The following BCL2 variants were observed in gnomAD, a reference collection of about 807,000 sequenced individuals.
BCL2 encodes BCL2 apoptosis regulator, also known as apoptosis regulator Bcl-2.
A neutral mutation model predicts 14.2 loss-of-function variants in BCL2; 1 was observed. That is an observed-to-expected ratio of 0.07 (90% CI 0.02 to 0.33). The LOEUF is 0.33. Among genes scored for constraint, BCL2 ranks in the 10% least tolerant of loss-of-function variants. The probability of loss-of-function intolerance (pLI) is 0.99; values close to 1 mark genes in which losing one functional copy is unlikely to be tolerated. For synonymous variants in BCL2, 151 were observed against 137.2 expected, an observed-to-expected ratio of 1.10 and a Z score of -0.70; for missense variants, 247 against 305.9, an observed-to-expected ratio of 0.81 and a Z score of 1.44.
intron 2 of BCL2, among the ~76,000 whole-genome samples, chr18:63,298,105 C>T (rs1401195385): frequency 6.6e-6 from 1 of 152,148 alleles, no homozygotes; most frequent in African/African-American, 2.4e-5. Flanking sequence ...CAATTAGAAT[C>T]GGCAGACAAA....
rs1299930433 is a variant in BCL2 at position 63,318,446 on chromosome 18, G to A, written c.221C>T (p.Thr74Ile). Reference sequence around the variant, plus strand: ...CGCGGCGGCGCCGGGGGCAGCCGGGGTCTGCAGCGGCGAGGTCCTGGCGAC... The same window carrying A: ...CGCGGCGGCGCCGGGGGCAGCCGGGATCTGCAGCGGCGAGGTCCTGGCGAC... ...DPVARTSPLQ[T>I]PAAPGAAAGP... Residue 74 changes from threonine (T) to isoleucine (I), a missense_variant, in exon 2 of 3, where the codon ACC (threonine) becomes ATC (isoleucine). This residue lies in a region of BCL2 where 144 missense variants were observed against 135.3 expected (regional missense o/e 1.06). Coordinates refer to ENST00000333681, the MANE Select transcript of BCL2 (RefSeq NM_000633.3). The surrounding 1 kb of genome is among the most constrained non-coding windows in gnomAD (Gnocchi z 7.4). 2.0e-5 allele frequency: 29 copies of A among 1,472,992 alleles called. No homozygotes were observed. Among genetic ancestry groups the A allele is most frequent in the Non-Finnish European group, 2.5e-5 (28 of 1,122,682 alleles). 91.2% of individuals were successfully genotyped at this position (1,472,992 alleles called of 1,614,324 possible).
intron 2 of BCL2, among the ~76,000 whole-genome samples, chr18:63,272,776 A>G (rs1251803211): frequency 6.6e-6 from 1 of 152,230 alleles, no homozygotes; most frequent in Non-Finnish European, 1.5e-5. Flanking sequence ...TATATAAAAC[A>G]GGCAGTTTCT....
chr18:63,218,688 C>G (rs1311330554), intron 2 of BCL2, among the ~76,000 whole-genome samples: 5 of 147,560 alleles, frequency 3.4e-5, no homozygotes, highest in Non-Finnish European at 3.0e-5. Flanking sequence ...ATCCTCCACT[C>G]ATCCCATTCT....
intron 2 of BCL2, among the ~76,000 whole-genome samples, chr18:63,178,297 GCTCGTAA>G (rs890721546): frequency 6.6e-6 from 1 of 152,172 alleles, no homozygotes; most frequent in Non-Finnish European, 1.5e-5. Flanking sequence ...AGACTAAAAG[GCTCGTAA>G]CTGTTGTTTA....
chr18:63,228,538 A>G (rs1328458599), intron 2 of BCL2, among the ~76,000 whole-genome samples: 1 of 152,212 alleles, frequency 6.6e-6, no homozygotes, highest in Admixed American at 6.5e-5. Context: ...CAAATAAAAT[A>G]TAAGATCTCT....
chr18:63,136,486 G>A (rs1201702004), intron 2 of BCL2, among the ~76,000 whole-genome samples: 3 of 152,216 alleles, frequency 2.0e-5, no homozygotes, highest in Non-Finnish European at 4.4e-5. Context: ...CCATAGGTTA[G>A]ACTCCCTTAG....
At chr18:63,307,414 C>T (rs1349843632) in intron 2 of BCL2, among the ~76,000 whole-genome samples, 1 of 152,214 alleles carries the variant, frequency 6.6e-6, no homozygotes, top group Non-Finnish European at 1.5e-5. Flanking sequence ...TTTTTAGCTA[C>T]TGATTTGCAG....
chr18:63,284,267 T>C (rs1259992307), intron 2 of BCL2, among the ~76,000 whole-genome samples: 1 of 152,156 alleles, frequency 6.6e-6, no homozygotes, highest in East Asian at 1.9e-4. Flanking sequence ...TAGAAGAAGG[T>C]AGACAGGACT....
intron 2 of BCL2, among the ~76,000 whole-genome samples, chr18:63,247,714 G>C (rs1327104915): frequency 6.6e-6 from 1 of 152,074 alleles, no homozygotes; most frequent in Non-Finnish European, 1.5e-5. Flanking sequence ...GGTCATGAGA[G>C]GTCAGGAGTG....
At chr18:63,174,768 C>G (rs540149976) in intron 2 of BCL2, among the ~76,000 whole-genome samples, 1 of 140,328 alleles carries the variant, frequency 7.1e-6, no homozygotes, top group Non-Finnish European at 1.5e-5. Flanking sequence ...TGCAGGGAGT[C>G]GAGATCATGC....
intron 2 of BCL2, among the ~76,000 whole-genome samples, chr18:63,271,584 C>T (rs960901176): frequency 1.3e-5 from 2 of 152,200 alleles, no homozygotes; most frequent in African/African-American, 2.4e-5. Context: ...TTGCTGCTTT[C>T]AATATTCAGC....
chr18:63,147,210 C>T (rs1198610003), intron 2 of BCL2, among the ~76,000 whole-genome samples: 4 of 152,206 alleles, frequency 2.6e-5, no homozygotes, highest in Non-Finnish European at 5.9e-5. Context: ...AGGGATTCAC[C>T]TTTCCAGGCT....
intron 2 of BCL2, among the ~76,000 whole-genome samples, chr18:63,311,647 T>C (rs1372527457): frequency 2.0e-5 from 3 of 152,138 alleles, no homozygotes; most frequent in Admixed American, 1.3e-4. Context: ...TACGCTTCTA[T>C]CCCTGAAGTT....
chr18:63,170,001 G>A (rs774355433), intron 2 of BCL2, among the ~76,000 whole-genome samples: 26 of 152,044 alleles, frequency 1.7e-4, no homozygotes, highest in South Asian at 2.1e-4. Context: ...TATTATGACC[G>A]TAATCAGTGA....
intron 2 of BCL2, among the ~76,000 whole-genome samples, chr18:63,231,838 C>T (rs1013954337): frequency 9.2e-5 from 14 of 151,804 alleles, no homozygotes; most frequent in Non-Finnish European, 1.8e-4. Flanking sequence ...TATTTGTAAC[C>T]GGTTTTAAAA....
chr18:63,319,540 G>A lies in BCL2; in HGVS notation c.-653C>T, dbSNP rs571580090. 101 of 229,302 alleles carry A rather than the reference G, an allele frequency of 4.4e-4. No individual in the cohort carries two copies. The highest frequency in any genetic ancestry group is 7.7e-4 in the Non-Finnish European group (89 of 115,588). 14.2% of individuals were successfully genotyped at this position (229,302 alleles called of 1,614,324 possible). A position where few individuals can be genotyped will look rare whatever the true frequency, so the allele number is the denominator to read the frequency against. On this transcript the variant is annotated 5_prime_UTR_variant, in exon 1 of 3. Coordinates refer to ENST00000333681, the MANE Select transcript of BCL2 (RefSeq NM_000633.3). ...TTTACACGCGCGCACACACGCGCGG[G>A]CACAGGCATGAATCTCTATCCACGG...
rs996350353 is a variant in BCL2, at chr18:63,176,988, C to G, written c.586-48229G>C. Among the ~76,000 whole-genome samples, 26 of 151,534 alleles carry G rather than the reference C, an allele frequency of 1.7e-4. 1 individual carries two copies. Among genetic ancestry groups the G allele is most frequent in the Admixed American group, 1.6e-3 (25 of 15,218 alleles). On this transcript the variant is annotated intron_variant, in intron 2 of 2. Transcript: ENST00000333681. Reference sequence around the variant, plus strand: ...CTGGAGTGCAGTGGTACAATCACAGCTCTCTGCAGCCTCGACTTCCTGGGC... The same window carrying G: ...CTGGAGTGCAGTGGTACAATCACAGGTCTCTGCAGCCTCGACTTCCTGGGC...
chr18:63,148,052 G>C (rs1187638543), intron 2 of BCL2, among the ~76,000 whole-genome samples: 2 of 152,110 alleles, frequency 1.3e-5, no homozygotes. Flanking sequence ...TGGGTTATCA[G>C]ACTGTGACAA....
intron 2 of BCL2, among the ~76,000 whole-genome samples, chr18:63,300,967 T>C (rs1182653929): frequency 6.6e-6 from 1 of 152,196 alleles, no homozygotes; most frequent in Non-Finnish European, 1.5e-5. Flanking sequence ...GGAGTGGAAA[T>C]GACAACCAAT....
Sources: gnomAD v4.1 joint callset for allele counts (sites outside exome capture counted in the v4.1 genomes callset) on GRCh38, gnomAD v4.1.1 for gene constraint, gnomAD v4.1.1 regional missense constraint, Gnocchi (gnomAD v3.1) non-coding constraint, MANE v1.5 for transcripts, NCBI Gene and HGNC (gene_info 2026-07-23, HGNC 2026-07-21) for gene names.